The following RNF8 variants were observed in gnomAD, a reference collection of about 807,000 sequenced individuals.
The protein encoded by RNF8 is ring finger protein 8.
In RNF8, 8 loss-of-function variants were observed where a neutral mutation model predicts 59.3. That is an observed-to-expected ratio of 0.13 (90% CI 0.08 to 0.24). The LOEUF (loss-of-function observed/expected upper bound fraction) is 0.24, where lower values mean the gene tolerates loss of function less well. Among genes scored for constraint, RNF8 ranks in the 10% least tolerant of loss-of-function variants. The pLI is 1.00. For missense variants in RNF8, 406 were observed against 572.6 expected, an observed-to-expected ratio of 0.71 and a Z score of 2.97; for synonymous variants, 162 against 200.0, an observed-to-expected ratio of 0.81 and a Z score of 1.60.
At chr6:37,371,918 G>A (rs557245916) in intron 4 of RNF8, among the ~76,000 whole-genome samples, 1 of 152,284 alleles carries the variant, frequency 6.6e-6, no homozygotes, top group African/African-American at 2.4e-5. Context: ...TGGCCACCAG[G>A]GCCCGTGAAG....
intron 7 of RNF8, among the ~76,000 whole-genome samples, chr6:37,388,171 G>T (rs1770587773): frequency 6.6e-6 from 1 of 152,198 alleles, no homozygotes; most frequent in Non-Finnish European, 1.5e-5. Context: ...TAGCAGCAGG[G>T]ATGGCCAGAG....
chr6:37,380,531 T>C (rs1770209360), intron 6 of RNF8, among the ~76,000 whole-genome samples: 1 of 151,182 alleles, frequency 6.6e-6, no homozygotes, highest in African/African-American at 2.4e-5. Flanking sequence ...ATTAGCCGGG[T>C]GTAGTGGCAG....
chr6:37,384,400 C>G lies in RNF8; in HGVS notation c.1441+3046C>G, dbSNP rs147600453. Reference sequence around the variant, plus strand: ...CAGGTGATGTACCCCGCTCCGCCCCCCAAAGTGCTGGGATTACAGGCATGA... The same window carrying G: ...CAGGTGATGTACCCCGCTCCGCCCCGCAAAGTGCTGGGATTACAGGCATGA... On this transcript the variant is annotated intron_variant, in intron 7 of 7. Transcript: ENST00000373479. Among the ~76,000 whole-genome samples the G allele has an allele frequency of 3.5e-4, 53 of 152,308 alleles. No individual in the cohort carries two copies. In the East Asian group the frequency reaches 7.7e-3, roughly 22 times the overall value.
intron 4 of RNF8, 63 bp from the exon 5 acceptor site, chr6:37,374,557 T>G: frequency 8.0e-7 from 1 of 1,244,848 alleles, no homozygotes; most frequent in Non-Finnish European, 1.2e-6. Flanking sequence ...CAGGCATGTT[T>G]GTGGCTAAAA....
chr6:37,392,713 T>C lies in RNF8; in HGVS notation c.*1955T>C, dbSNP rs1026164480. 1.0e-5 allele frequency: 4 copies of C among 398,510 alleles called. No homozygotes were observed. The highest frequency in any genetic ancestry group is 1.8e-5 in the Non-Finnish European group (4 of 226,060). The allele number at this position is 398,510 out of a possible 1,614,324, so 24.7% of individuals were successfully genotyped here. On this transcript the variant is annotated 3_prime_UTR_variant, in exon 8 of 8. Coordinates refer to ENST00000373479, the MANE Select transcript of RNF8 (RefSeq NM_003958.4). ...ATTTACTTTTCTGGCTTACTTTTGA[T>C]AGAAATCTAGGTTGGTTCAAACCTT...
intron 7 of RNF8, among the ~76,000 whole-genome samples, chr6:37,385,375 C>A (rs948269444): frequency 6.6e-6 from 1 of 151,344 alleles, no homozygotes. Context: ...CGGCTGTAAT[C>A]CCAGCACTTT....
Position 37,368,487 on chromosome 6 carries a change from C to G in RNF8, c.244C>G (p.Leu82Val). The G allele has an allele frequency of 6.2e-7, 1 of 1,614,142 alleles. No individual in the cohort carries two copies. The highest frequency in any genetic ancestry group is 8.5e-7 in the Non-Finnish European group (1 of 1,180,012). ...GQWTIMDNKSLNGVWLNRARL... is the reference protein window; with the variant it reads ...GQWTIMDNKSVNGVWLNRARL... Reference sequence around the variant, plus strand: ...TTCTTTCTTTCACTTTCCCCAGAGTCTAAATGGTGTTTGGCTGAACAGAGC... The same window carrying G: ...TTCTTTCTTTCACTTTCCCCAGAGTGTAAATGGTGTTTGGCTGAACAGAGC... Residue 82 changes from leucine (L) to valine (V), a missense_variant, in exon 3 of 8, where the codon CTA (leucine) becomes GTA (valine). Transcript: ENST00000373479.
chr6:37,354,706 C>CG (rs1246814642), intron 1 of RNF8, among the ~76,000 whole-genome samples: 1 of 82,262 alleles, frequency 1.2e-5, no homozygotes, highest in African/African-American at 4.6e-5. Context: ...TGAGGAGATG[C>CG]GGGGGTGTCG....
Position 37,358,062 on chromosome 6 carries a change from T to TA in RNF8, c.112-2383dup, listed in dbSNP as rs1353664058. 2.0e-5 allele frequency among the ~76,000 whole-genome samples: 3 copies of TA among 152,184 alleles called. No individual in the cohort carries two copies. The East Asian group carries it at 5.8e-4, about 29-fold the overall frequency. ...TAGACAGAGGTAATCAGAGTAGGCT[T>TA]ATGAGTAGCTGGAACATGAAAGATA... On this transcript the variant is annotated intron_variant, in intron 1 of 7. Transcript: ENST00000373479.
intron 7 of RNF8, among the ~76,000 whole-genome samples, chr6:37,388,277 G>A (rs1770591248): frequency 6.6e-6 from 1 of 152,286 alleles, no homozygotes; most frequent in African/African-American, 2.4e-5. Context: ...TCATGTCTAG[G>A]TTTCTTTCTA....
intron 6 of RNF8, 52 bp downstream of exon 6, chr6:37,377,085 T>G: frequency 1.9e-6 from 2 of 1,074,848 alleles, no homozygotes; most frequent in Non-Finnish European, 2.6e-6. Context: ...TTTTTTTTTT[T>G]TTTTGAGACA....
intron 6 of RNF8, 99 bp from the exon 7 acceptor site, chr6:37,381,051 G>T: frequency 1.0e-6 from 1 of 960,582 alleles, no homozygotes; most frequent in Non-Finnish European, 1.7e-6. Flanking sequence ...TTTTCCATTT[G>T]GCCTTTGAAA....
At chr6:37,361,772 G>A (rs195416) in intron 2 of RNF8, among the ~76,000 whole-genome samples, 22,802 of 152,162 alleles carry the variant, frequency 0.15, 5,448 homozygotes, top group African/African-American at 0.51. Flanking sequence ...GAATTAAGTT[G>A]AGTTGGCACT....
chr6:37,354,557 G>C (rs1769038166), intron 1 of RNF8, among the ~76,000 whole-genome samples: 2 of 151,810 alleles, frequency 1.3e-5, no homozygotes, highest in South Asian at 4.2e-4. Context: ...TGGGGAGCCC[G>C]GGGGGGCCAC....
Position 37,377,021 on chromosome 6 carries a change from A to G in RNF8, c.1224A>G (p.Glu408=). 1 of 1,562,910 alleles carries G rather than the reference A, an allele frequency of 6.4e-7. No individual in the cohort carries two copies. Among genetic ancestry groups the G allele is most frequent in the Non-Finnish European group, 8.8e-7 (1 of 1,135,314 alleles). The change falls in exon 6 of 8, where the codon GAA becomes GAG. Residue 408 remains glutamate, a synonymous_variant. Transcript: ENST00000373479. ...ENELQCIICS[E]YFIEAVTLNC... ...AGCTCCAATGTATTATTTGTTCAGA[A>G]TACTTCATTGAGGTAATTATGAACA...
intron 5 of RNF8, among the ~76,000 whole-genome samples, chr6:37,375,708 C>T (rs1769985281): frequency 6.6e-6 from 1 of 152,182 alleles, no homozygotes; most frequent in African/African-American, 2.4e-5. Flanking sequence ...GGGTCCAGAC[C>T]TTCTTCACTG....
Position 37,392,263 on chromosome 6 carries a change from T to C in RNF8, c.*1505T>C, listed in dbSNP as rs1218375586. ...ATAACTTCTTGTTTCCCCATACATG[T>C]GTTTTGTTTATAGATTGCATGGGTA... On this transcript the variant is annotated 3_prime_UTR_variant, in exon 8 of 8. Coordinates refer to ENST00000373479, the MANE Select transcript of RNF8 (RefSeq NM_003958.4). 1 of 394,222 alleles carries C rather than the reference T, an allele frequency of 2.5e-6. No individual in the cohort carries two copies. The highest frequency in any genetic ancestry group is 4.4e-5 in the Admixed American group (1 of 22,644). 24.4% of individuals were successfully genotyped at this position (394,222 alleles called of 1,614,324 possible). A position where few individuals can be genotyped will look rare whatever the true frequency, so the allele number is the denominator to read the frequency against.
intron 1 of RNF8, among the ~76,000 whole-genome samples, chr6:37,358,397 A>T (rs1013377648): frequency 6.6e-6 from 1 of 152,220 alleles, no homozygotes; most frequent in Non-Finnish European, 1.5e-5. Context: ...TATAAAGCTT[A>T]TGGGGGCTAG....
chr6:37,357,963 A>G (rs1194711069), intron 1 of RNF8, among the ~76,000 whole-genome samples: 1 of 152,250 alleles, frequency 6.6e-6, no homozygotes, highest in Non-Finnish European at 1.5e-5. Flanking sequence ...AGTAAAATAA[A>G]CAAGATAATT....
Sources: gnomAD v4.1 joint callset for allele counts (sites outside exome capture counted in the v4.1 genomes callset) on GRCh38, gnomAD v4.1.1 for gene constraint, MANE v1.5 for transcripts, NCBI Gene and HGNC (gene_info 2026-07-23, HGNC 2026-07-21) for gene names.